The following VWA8 variants were observed in gnomAD, a reference collection of about 807,000 sequenced individuals.
VWA8 encodes the protein von Willebrand factor A domain-containing protein 8.
VWA8 carries 221 observed loss-of-function variants against 241.5 expected under a neutral mutation model. That is an observed-to-expected ratio of 0.91 (90% CI 0.82 to 1.02). The LOEUF is 1.02. Among genes scored for constraint, VWA8 ranks in the 50% least tolerant of loss-of-function variants. The pLI is 0.00. For synonymous variants in VWA8, 852 were observed against 827.1 expected, an observed-to-expected ratio of 1.03 and a Z score of -0.52; for missense variants, 2,322 against 2,328.7, an observed-to-expected ratio of 1.00 and a Z score of 0.06.
chr13:41,885,753 C>G (rs1874496837), intron 8 of VWA8, among the ~76,000 whole-genome samples, 167 bp downstream of exon 8: 1 of 152,226 alleles, frequency 6.6e-6, no homozygotes, highest in Admixed American at 6.5e-5. Context: ...AGAACATGTC[C>G]TTGGTCTCTG....
intron 4 of VWA8, among the ~76,000 whole-genome samples, chr13:41,902,172 T>G (rs1229196398): frequency 1.3e-5 from 2 of 151,882 alleles, no homozygotes; most frequent in Non-Finnish European, 2.9e-5. Context: ...GAATGTTAAA[T>G]AAATAACAGC....
chr13:41,894,727 C>T (rs543079431), intron 4 of VWA8, among the ~76,000 whole-genome samples: 1 of 152,216 alleles, frequency 6.6e-6, no homozygotes, highest in East Asian at 1.9e-4. Context: ...CTAGCAGATA[C>T]CACCTTAATT....
intron 8 of VWA8, among the ~76,000 whole-genome samples, 158 bp downstream of exon 8, chr13:41,885,761 CT>C (rs1874497202): frequency 6.6e-6 from 1 of 152,238 alleles, no homozygotes; most frequent in Non-Finnish European, 1.5e-5. Context: ...TCCTTGGTCT[CT>C]GTACAGTTTA....
intron 35 of VWA8, among the ~76,000 whole-genome samples, chr13:41,683,818 A>G (rs1380272001): frequency 6.6e-6 from 1 of 152,130 alleles, no homozygotes; most frequent in Non-Finnish European, 1.5e-5. Context: ...GGACATGGTG[A>G]TTGATGATGG....
At chr13:41,911,284 G>A (rs12877500) in intron 3 of VWA8, among the ~76,000 whole-genome samples, 10 of 151,926 alleles carry the variant, frequency 6.6e-5, no homozygotes, top group South Asian at 6.2e-4. Flanking sequence ...GGCTGGTCTC[G>A]AACTCCTGAC....
At chr13:41,851,554 T>C (rs1180052952) in intron 12 of VWA8, among the ~76,000 whole-genome samples, 2 of 152,172 alleles carry the variant, frequency 1.3e-5, no homozygotes, top group Admixed American at 1.3e-4. Flanking sequence ...AGTGAATAAG[T>C]CTCATAAGAT....
At position 41,867,630 on chromosome 13, in the gene VWA8, C is replaced by T. The variant is rs571649315; in HGVS notation, c.1212+716G>A. On this transcript the variant is annotated intron_variant, in intron 10 of 44. Coordinates refer to ENST00000379310, the MANE Select transcript of VWA8 (RefSeq NM_015058.2). The stretch of plus-strand genomic sequence containing the variant: ...ACACAGTAAACTCATAATATGGAAC[C>T]TAGCTCATGGTGGATATAATCAATA... Among the ~76,000 whole-genome samples, 263 of 152,274 alleles carry T rather than the reference C, an allele frequency of 1.7e-3. 2 individuals carry two copies. The highest frequency in any genetic ancestry group is 5.8e-3 in the African/African-American group (242 of 41,550).
rs2045021712 is a variant in VWA8, at chr13:41,671,299, G to A, written c.4410-152C>T. The A allele has an allele frequency of 9.4e-6, 8 of 848,414 alleles. No homozygotes were observed. The South Asian group carries it at 1.4e-4, about 15-fold the overall frequency. 52.6% of individuals were successfully genotyped at this position (848,414 alleles called of 1,614,324 possible). ...TCTTACCTCTGTCACCACATAGGCAGGTTATGAGGATACGCTATGAGCAAA... is the reference window on the plus strand; with the variant it reads ...TCTTACCTCTGTCACCACATAGGCAAGTTATGAGGATACGCTATGAGCAAA... On this transcript the variant is annotated intron_variant, in intron 36 of 44. Transcript: ENST00000379310.
chr13:41,791,614 T>A (rs1321457034), intron 17 of VWA8, among the ~76,000 whole-genome samples: 1 of 151,926 alleles, frequency 6.6e-6, no homozygotes, highest in Non-Finnish European at 1.5e-5. Context: ...TTGTACTGTT[T>A]ATCACATTTA....
At chr13:41,888,564 G>A (rs574633206) in intron 5 of VWA8, among the ~76,000 whole-genome samples, 74 of 152,230 alleles carry the variant, frequency 4.9e-4, no homozygotes, top group African/African-American at 9.2e-4. Context: ...CTCGCACACC[G>A]TAAACACAAG....
chr13:41,650,877 G>A (rs1840651966), intron 37 of VWA8, among the ~76,000 whole-genome samples: 2 of 152,198 alleles, frequency 1.3e-5, no homozygotes, highest in Non-Finnish European at 1.5e-5. Flanking sequence ...TAAAGGAAGA[G>A]ACACAGGAGT....
rs551466361 is a variant in VWA8, at chr13:41,683,759, T to C, written c.4327+1288A>G. 3.3e-5 allele frequency among the ~76,000 whole-genome samples: 5 copies of C among 152,250 alleles called. No homozygotes were observed. The East Asian group carries it at 9.7e-4, about 29-fold the overall frequency. ...TTTGGATGGGATATTGGTAACAGAA[T>C]TGGAGACTAGTGGGTGGATACAAGA... On this transcript the variant is annotated intron_variant, in intron 35 of 44. Transcript: ENST00000379310.
chr13:41,708,895 T>G (rs944629982), intron 26 of VWA8, among the ~76,000 whole-genome samples: 1 of 152,206 alleles, frequency 6.6e-6, no homozygotes, highest in East Asian at 1.9e-4. Context: ...TCACAGAAGT[T>G]GCCAGACTAG....
intron 21 of VWA8, among the ~76,000 whole-genome samples, chr13:41,753,663 C>T (rs1408261457): frequency 1.3e-5 from 2 of 152,174 alleles, no homozygotes; most frequent in East Asian, 1.9e-4. Context: ...CAAAACATAA[C>T]ATGGCCATAT....
chr13:41,723,412 G>A (rs774292582), intron 24 of VWA8, among the ~76,000 whole-genome samples: 4 of 152,142 alleles, frequency 2.6e-5, no homozygotes, highest in Non-Finnish European at 4.4e-5. Context: ...TCTGTGGCAG[G>A]CTAACTTGTT....
At position 41,783,871 on chromosome 13, in the gene VWA8, C is replaced by G; in HGVS notation, c.2201G>C (p.Gly734Ala). ...CEVTSGTLRI[G>A]AVSAPIYNAH... ...ATTATAGATCGGTGCACTAACAGCA[C>G]CAATCCTCAGAGTTCCAGATGTTAC... Residue 734 changes from glycine to alanine, a missense_variant, in exon 19 of 45, where the codon GGT becomes GCT. Gly to Ala is a moderately conservative substitution (Grantham distance 60). Transcript: ENST00000379310. 1 of 1,613,710 alleles carries G rather than the reference C, an allele frequency of 6.2e-7. No homozygotes were observed. The highest frequency in any genetic ancestry group is 1.1e-5 in the South Asian group (1 of 91,034).
intron 37 of VWA8, among the ~76,000 whole-genome samples, chr13:41,643,851 G>A (rs996131871): frequency 6.6e-6 from 1 of 151,944 alleles, no homozygotes; most frequent in Non-Finnish European, 1.5e-5. Flanking sequence ...CCATCCTCTC[G>A]GTGGGAGAGC....
chr13:41,747,083 T>C (rs1420903482), intron 21 of VWA8, among the ~76,000 whole-genome samples: 1 of 152,218 alleles, frequency 6.6e-6, no homozygotes, highest in East Asian at 1.9e-4. Context: ...CAATGCGGGC[T>C]CTTTTTTGGT....
chr13:41,655,489 CAGAGAGAGAG>C (rs34381157), intron 37 of VWA8, among the ~76,000 whole-genome samples: 5,915 of 148,294 alleles, frequency 0.04, 138 homozygotes, highest in South Asian at 0.08. Context: ...TACAGAGAGA[CAGAGAGAGAG>C]AGAGAGAGAG....
Sources: allele counts gnomAD v4.1 joint callset (sites outside exome capture counted in the v4.1 genomes callset), GRCh38; gene constraint gnomAD v4.1.1; transcripts MANE v1.5; gene names NCBI Gene and HGNC (gene_info 2026-07-23, HGNC 2026-07-21).